NDST4: variants seen among roughly 807,000 people sequenced by gnomAD.
NDST4 encodes N-deacetylase and N-sulfotransferase 4, also known as N-heparan sulfate sulfotransferase 4.
Under a neutral mutation model 100.8 loss-of-function variants are expected in NDST4, and 63 were observed. The ratio of observed to expected loss-of-function variants is 0.62; its 90% CI spans 0.51 to 0.77. The LOEUF (loss-of-function observed/expected upper bound fraction) is 0.77, where lower values mean the gene tolerates loss of function less well. Among genes scored for constraint, NDST4 ranks in the 30% least tolerant of loss-of-function variants. NDST4 has a pLI of 0.00. For synonymous variants in NDST4, 377 were observed against 361.8 expected, an observed-to-expected ratio of 1.04 and a Z score of -0.48; for missense variants, 943 against 1,018.4, an observed-to-expected ratio of 0.93 and a Z score of 1.01.
chr4:114,980,884 T>A (rs1446874578), intron 2 of NDST4, among the ~76,000 whole-genome samples: 2 of 152,078 alleles, frequency 1.3e-5, no homozygotes, highest in Non-Finnish European at 2.9e-5. Flanking sequence ...TTCCATTAAT[T>A]CAATAGTCTC....
At chr4:114,849,563 A>G (rs1471103621) in intron 8 of NDST4, among the ~76,000 whole-genome samples, 2 of 152,220 alleles carry the variant, frequency 1.3e-5, no homozygotes, top group African/African-American at 2.4e-5. Flanking sequence ...CCAGCTTTAC[A>G]TGGCCACCAA....
At chr4:114,880,160 C>T (rs1724336189) in intron 6 of NDST4, among the ~76,000 whole-genome samples, 1 of 152,138 alleles carries the variant, frequency 6.6e-6, no homozygotes, top group Non-Finnish European at 1.5e-5. Flanking sequence ...CTCTATTTTT[C>T]TTGTACATTA....
chr4:114,938,824 TC>T (rs1023177429), intron 4 of NDST4, among the ~76,000 whole-genome samples: 4 of 152,304 alleles, frequency 2.6e-5, no homozygotes, highest in Non-Finnish European at 5.9e-5. Context: ...CACCTCTCTT[TC>T]TCCAAGACTA....
At chr4:115,076,038 G>A in intron 2 of NDST4, 21 bp downstream of exon 2, 1 of 1,572,980 alleles carries the variant, frequency 6.4e-7, no homozygotes, top group Non-Finnish European at 8.6e-7. Context: ...AAATTTCGAT[G>A]TTGTCTATAA....
intron 6 of NDST4, among the ~76,000 whole-genome samples, chr4:114,876,915 T>C (rs1724265646): frequency 6.6e-6 from 1 of 152,198 alleles, no homozygotes; most frequent in Admixed American, 6.5e-5. Flanking sequence ...ATCTTATTTA[T>C]GAGAAAAGGA....
chr4:114,997,709 C>G (rs564583459), intron 2 of NDST4, among the ~76,000 whole-genome samples: 2 of 152,098 alleles, frequency 1.3e-5, no homozygotes, highest in African/African-American at 4.8e-5. Flanking sequence ...TGCACAATGC[C>G]TTATCTATAG....
intron 2 of NDST4, among the ~76,000 whole-genome samples, chr4:115,073,044 A>T (rs775568314): frequency 3.9e-5 from 6 of 152,058 alleles, no homozygotes; most frequent in Non-Finnish European, 5.9e-5. Flanking sequence ...AAAAGAAAAC[A>T]TAAATGACCA....
chr4:114,995,043 C>A (rs1287677390), intron 2 of NDST4, among the ~76,000 whole-genome samples: 1 of 151,990 alleles, frequency 6.6e-6, no homozygotes, highest in Admixed American at 6.6e-5. Flanking sequence ...AATTTAGACA[C>A]TAAAATGTGT....
rs1428650595 is a variant in NDST4, at chr4:114,827,908, G to A, written c.2527C>T (p.Arg843Ter). ...TTGGATAGTTCCACATTATGATCTC[G>A]GTAGTAATTAGAGAGGAACGTTCTA... Reference protein sequence around the residue: ...ESRTFLSNYYRDHNVELSKLL... With the variant: ...ESRTFLSNYY The change falls in exon 14 of 14, where the codon CGA (arginine) becomes TGA (stop). Residue 843 changes from arginine (R) to a stop codon, truncating the protein, a stop_gained. Coordinates refer to ENST00000264363, the MANE Select transcript of NDST4 (RefSeq NM_022569.3). LOFTEE classifies it high-confidence loss of function. 1 of 1,608,110 alleles carries A rather than the reference G, an allele frequency of 6.2e-7. No individual in the cohort carries two copies. The highest frequency in any genetic ancestry group is 1.7e-5 in the Admixed American group (1 of 58,952).
At chr4:115,007,576 T>A (rs1192905852) in intron 2 of NDST4, among the ~76,000 whole-genome samples, 2 of 133,160 alleles carry the variant, frequency 1.5e-5, no homozygotes, top group South Asian at 2.8e-4. Context: ...GAGCTGAGAA[T>A]TCCAACAGAA....
chr4:115,044,834 T>A (rs1200963451), intron 2 of NDST4, among the ~76,000 whole-genome samples: 5 of 151,234 alleles, frequency 3.3e-5, no homozygotes, highest in Non-Finnish European at 7.4e-5. Flanking sequence ...AAATGACTGA[T>A]AAAGACATGA....
intron 10 of NDST4, 24 bp downstream of exon 10, chr4:114,845,799 A>C: frequency 6.3e-7 from 1 of 1,583,746 alleles, no homozygotes; most frequent in Non-Finnish European, 8.6e-7. Context: ...AAATGCTTTT[A>C]GCCGATTTTT....
At chr4:115,051,166 A>G (rs1034661981) in intron 2 of NDST4, among the ~76,000 whole-genome samples, 2 of 152,092 alleles carry the variant, frequency 1.3e-5, no homozygotes, top group Admixed American at 1.3e-4. Context: ...TTATTGAACT[A>G]TGACCTGCCT....
rs1445675753 is a variant in NDST4 at position 114,846,085 on chromosome 4, T to C, written c.1941-88A>G. On this transcript the variant is annotated intron_variant, in intron 9 of 13. Transcript: ENST00000264363. ...TGAAATAATTGGAACATTTTAATAT[T>C]CATTTATAGCTATTTCTGATTATTA... is the stretch of plus-strand genomic sequence containing the variant. The C allele has an allele frequency of 3.1e-6, 3 of 955,686 alleles. No homozygotes were observed. In the African/African-American group the frequency reaches 5.0e-5, roughly 16 times the overall value. The allele number at this position is 955,686 out of a possible 1,614,324, so 59.2% of individuals were successfully genotyped here.
At position 114,949,885 on chromosome 4, in the gene NDST4, T is replaced by C. The variant is rs142395331; in HGVS notation, c.1222-12382A>G. ...TACATTTAGAAGTGACGTCCCAGGATTTAAGACATCTGTAGCCTGAAACGA... is the reference window on the plus strand; with the variant it reads ...TACATTTAGAAGTGACGTCCCAGGACTTAAGACATCTGTAGCCTGAAACGA... On this transcript the variant is annotated intron_variant, in intron 4 of 13. Coordinates refer to ENST00000264363, the MANE Select transcript of NDST4 (RefSeq NM_022569.3). Among the ~76,000 whole-genome samples, 355 of 152,162 alleles carry C rather than the reference T, an allele frequency of 2.3e-3. 1 individual carries two copies. The highest frequency in any genetic ancestry group is 8.2e-3 in the African/African-American group (340 of 41,554).
At chr4:115,060,198 A>G (rs1261056714) in intron 2 of NDST4, among the ~76,000 whole-genome samples, 1 of 152,010 alleles carries the variant, frequency 6.6e-6, no homozygotes, top group Non-Finnish European at 1.5e-5. Flanking sequence ...TCTTTCTACA[A>G]AAGTTGCTAG....
In NDST4 at chr4:115,012,712, TC is replaced by T. The variant is rs1727578864; in HGVS notation, c.979-35439del. 3.4e-5 allele frequency among the ~76,000 whole-genome samples: 5 copies of T among 149,132 alleles called. No homozygotes were observed. In the Middle Eastern group the frequency reaches 0.014, roughly 420 times the overall value. On this transcript the variant is annotated intron_variant, in intron 2 of 13. Coordinates refer to ENST00000264363, the MANE Select transcript of NDST4 (RefSeq NM_022569.3). ...GGGTGTATATCCAAAAGAAAGGAAA[TC>T]AGTACATCAAAGAAATACCTGTACT...
At chr4:114,984,616 T>C (rs1489706421) in intron 2 of NDST4, among the ~76,000 whole-genome samples, 5 of 152,164 alleles carry the variant, frequency 3.3e-5, no homozygotes, top group Non-Finnish European at 5.9e-5. Context: ...TCAGAAGAGA[T>C]AACTTATATT....
chr4:114,970,573 C>G lies in NDST4; in HGVS notation c.1078G>C (p.Glu360Gln). The change falls in exon 4 of 14, where the codon GAA (glutamate) becomes CAA (glutamine). Residue 360 changes from glutamate to glutamine, a missense_variant. By Grantham distance (29) the Glu-to-Gln change is conservative. Coordinates refer to ENST00000264363, the MANE Select transcript of NDST4 (RefSeq NM_022569.3). ...AGTAAAAGGTCATCTCCTTCATCTT[C>G]CTCTTCAGTCCCTTTAAAACATAAA... ...GKFYHTGTEE[E>Q]DEGDDLLLRS... 6.2e-7 allele frequency: 1 copy of G among 1,612,160 alleles called. No homozygotes were observed. The highest frequency in any genetic ancestry group is 8.5e-7 in the Non-Finnish European group (1 of 1,178,936).
Sources: allele counts gnomAD v4.1 joint callset (sites outside exome capture counted in the v4.1 genomes callset), GRCh38; gene constraint gnomAD v4.1.1; transcripts MANE v1.5; gene names NCBI Gene and HGNC (gene_info 2026-07-23, HGNC 2026-07-21).